PDGFC: variants seen among roughly 807,000 people sequenced by gnomAD.
PDGFC encodes platelet derived growth factor C.
PDGFC carries 12 observed loss-of-function variants against 35.5 expected under a neutral mutation model. That is an observed-to-expected ratio of 0.34 (90% confidence interval 0.22 to 0.55). PDGFC has a LOEUF of 0.55. PDGFC is among the 20% of genes least tolerant of loss of function. The probability of loss-of-function intolerance (pLI) is 0.91; values close to 1 mark genes in which losing one functional copy is unlikely to be tolerated. For missense variants in PDGFC, 322 were observed against 412.4 expected, an observed-to-expected ratio of 0.78 and a Z score of 1.90; for synonymous variants, 159 against 148.8, an observed-to-expected ratio of 1.07 and a Z score of -0.50.
At chr4:156,813,991 G>A (rs967126423) in intron 2 of PDGFC, among the ~76,000 whole-genome samples, 8 of 152,020 alleles carry the variant, frequency 5.3e-5, no homozygotes. Flanking sequence ...CATAGTAAAC[G>A]CTGTGTCAGT....
chr4:156,957,923 C>T (rs1267787329), intron 1 of PDGFC, among the ~76,000 whole-genome samples: 3 of 151,958 alleles, frequency 2.0e-5, no homozygotes, highest in Non-Finnish European at 4.4e-5. Context: ...TTTCCAGCTG[C>T]CAAAATCCTA....
At chr4:156,818,081 G>A (rs1732142401) in intron 2 of PDGFC, among the ~76,000 whole-genome samples, 2 of 146,176 alleles carry the variant, frequency 1.4e-5, no homozygotes, top group South Asian at 4.5e-4. Context: ...AAAATTCTAG[G>A]CTAAATCTTG....
In PDGFC at chr4:156,895,790, C is replaced by T. The variant is rs565706905; in HGVS notation, c.119-45374G>A. On this transcript the variant is annotated intron_variant, in intron 1 of 5. Coordinates refer to ENST00000502773, the MANE Select transcript of PDGFC (RefSeq NM_016205.3). ...TGGTTTTAAACAAAAATATGAGACACGGGTCACACAGGAAAAAGAGAGAGT... is the reference window on the plus strand; with the variant it reads ...TGGTTTTAAACAAAAATATGAGACATGGGTCACACAGGAAAAAGAGAGAGT... Among the ~76,000 whole-genome samples, 4 of 151,944 alleles carry T rather than the reference C, an allele frequency of 2.6e-5. No individual in the cohort carries two copies. In the South Asian group the frequency reaches 8.3e-4, roughly 32 times the overall value.
chr4:156,944,124 A>G (rs894596991), intron 1 of PDGFC, among the ~76,000 whole-genome samples: 3 of 152,262 alleles, frequency 2.0e-5, no homozygotes, highest in African/African-American at 7.2e-5. Flanking sequence ...TGTGCCATGG[A>G]GCCAGACTGC....
intron 1 of PDGFC, among the ~76,000 whole-genome samples, chr4:156,958,884 C>T (rs1732273518): frequency 6.6e-6 from 1 of 152,042 alleles, no homozygotes; most frequent in Admixed American, 6.6e-5. Context: ...ATGAATCTCA[C>T]ACTAGGGTGG....
At chr4:156,834,253 T>C (rs1729010646) in intron 2 of PDGFC, among the ~76,000 whole-genome samples, 1 of 152,196 alleles carries the variant, frequency 6.6e-6, no homozygotes, top group Non-Finnish European at 1.5e-5. Context: ...TGCAGCATGA[T>C]ATCAAACTAT....
intron 1 of PDGFC, among the ~76,000 whole-genome samples, chr4:156,938,428 G>C (rs920287782): frequency 1.3e-5 from 2 of 152,094 alleles, no homozygotes; most frequent in Non-Finnish European, 2.9e-5. Flanking sequence ...GAGATTCATG[G>C]TCCTGGGACC....
chr4:156,944,662 C>A (rs116072903), intron 1 of PDGFC, among the ~76,000 whole-genome samples: 1 of 152,072 alleles, frequency 6.6e-6, no homozygotes, highest in East Asian at 1.9e-4. Context: ...TGGCGCCTGA[C>A]AATCCATCTC....
At chr4:156,909,666 G>T (rs1730994237) in intron 1 of PDGFC, among the ~76,000 whole-genome samples, 2 of 152,124 alleles carry the variant, frequency 1.3e-5, no homozygotes, top group Non-Finnish European at 2.9e-5. Context: ...AATGTTAACA[G>T]TGGGTTTTCT....
At chr4:156,935,887 C>T (rs1000316145) in intron 1 of PDGFC, among the ~76,000 whole-genome samples, 2 of 152,096 alleles carry the variant, frequency 1.3e-5, no homozygotes, top group Non-Finnish European at 1.5e-5. Flanking sequence ...TACAAGGTCC[C>T]TGCCCTCAAG....
At chr4:156,778,159 T>C in intron 3 of PDGFC, 1 of 322,784 alleles carries the variant, frequency 3.1e-6, no homozygotes, top group Non-Finnish European at 6.5e-6. Context: ...AGTAAAAACC[T>C]GTGAGGTGAG....
At chr4:156,894,934 A>G (rs538492139) in intron 1 of PDGFC, among the ~76,000 whole-genome samples, 2 of 152,284 alleles carry the variant, frequency 1.3e-5, no homozygotes, top group Admixed American at 6.5e-5. Flanking sequence ...CTGGAAATGT[A>G]TTTTACTAAT....
intron 1 of PDGFC, among the ~76,000 whole-genome samples, chr4:156,948,411 G>A (rs890401787): frequency 1.3e-5 from 2 of 151,756 alleles, no homozygotes; most frequent in East Asian, 2.0e-4. Flanking sequence ...TATCCACATC[G>A]AGCTCTGGGA....
chr4:156,825,597 A>G (rs1245543231), intron 2 of PDGFC, among the ~76,000 whole-genome samples: 8 of 82,766 alleles, frequency 9.7e-5, no homozygotes, highest in African/African-American at 3.4e-4. Context: ...TAATAATAAG[A>G]AGAAGAAGAA....
chr4:156,892,602 T>C (rs981635990), intron 1 of PDGFC, among the ~76,000 whole-genome samples: 20 of 152,118 alleles, frequency 1.3e-4, no homozygotes, highest in African/African-American at 4.6e-4. Flanking sequence ...AAAGGATTAT[T>C]ATGGTGGGAA....
intron 2 of PDGFC, among the ~76,000 whole-genome samples, chr4:156,843,644 C>G (rs1025246909): frequency 1.4e-4 from 21 of 152,084 alleles, no homozygotes; most frequent in African/African-American, 5.1e-4. Context: ...GTTTGTTTAT[C>G]CTGTCTTTTT....
chr4:156,838,839 T>C (rs562715956), intron 2 of PDGFC, among the ~76,000 whole-genome samples: 3 of 152,212 alleles, frequency 2.0e-5, no homozygotes, highest in African/African-American at 7.2e-5. Context: ...ACTGGGGCTG[T>C]TGGGGTGATC....
intron 1 of PDGFC, among the ~76,000 whole-genome samples, chr4:156,885,448 T>G (rs970245456): frequency 4.6e-5 from 7 of 152,228 alleles, no homozygotes; most frequent in African/African-American, 1.7e-4. Flanking sequence ...CTTAGAATAT[T>G]TGTGCACCCT....
chr4:156,796,491 ATT>A (rs35891804), intron 3 of PDGFC, among the ~76,000 whole-genome samples: 3,513 of 101,614 alleles, frequency 0.035, 134 homozygotes, highest in African/African-American at 0.11. Flanking sequence ...ACCACTTTGT[ATT>A]TTTTTTTTTT....
Sources: gnomAD v4.1 joint callset for allele counts (sites outside exome capture counted in the v4.1 genomes callset) on GRCh38, gnomAD v4.1.1 for gene constraint, MANE v1.5 for transcripts, NCBI Gene and HGNC (gene_info 2026-07-23, HGNC 2026-07-21) for gene names.